The following CNNM3 variants were observed in gnomAD, a reference collection of about 807,000 sequenced individuals.
CNNM3 encodes cyclin and CBS domain divalent metal cation transport mediator 3, also known as metal transporter CNNM3.
CNNM3 carries 47 observed loss-of-function variants against 57.1 expected under a neutral mutation model. That is an observed-to-expected ratio of 0.82 (90% confidence interval 0.65 to 1.05). The LOEUF is 1.05. CNNM3 is among the 50% of genes least tolerant of loss of function. The pLI, the probability that CNNM3 is intolerant of heterozygous loss-of-function variation, is 0.00. For synonymous variants in CNNM3, 507 were observed against 478.2 expected (o/e 1.06, Z -0.79); for missense variants, 957 against 973.7 (o/e 0.98, Z 0.23).
chr2:96,824,287 T>C (rs1006523699), intron 1 of CNNM3, among the ~76,000 whole-genome samples: 13 of 152,236 alleles, frequency 8.5e-5, no homozygotes, highest in African/African-American at 2.9e-4. Flanking sequence ...GAAAGACATA[T>C]AGGGTAAGGT....
Position 96,816,756 on chromosome 2 carries a change from C to A in CNNM3, c.479C>A (p.Ala160Glu), listed in dbSNP as rs1355467485. The A allele has an allele frequency of 4.9e-6, 5 of 1,017,690 alleles. No individual in the cohort carries two copies. Among genetic ancestry groups the A allele is most frequent in the Non-Finnish European group, 4.7e-6 (4 of 853,538 alleles). The allele number at this position is 1,017,690 out of a possible 1,614,324, so 63.0% of individuals were successfully genotyped here. The change falls in exon 1 of 8, where the codon GCG becomes GAG. Residue 160 changes from alanine (A) to glutamate (E), a missense_variant. Ala to Glu is a moderately radical substitution (Grantham distance 107, BLOSUM62 -1). This residue lies in a region of CNNM3 where 466 missense variants were observed against 403.1 expected (regional missense o/e 1.16). Transcript: ENST00000305510. ...LARGLQLSAL[A>E]LAPAEVQVLR... ...CGAGGCCTGCAGCTGAGCGCGCTGG[C>A]GCTGGCGCCTGCCGAGGTGCAGGTG...
chr2:96,827,264 T>C (rs1484723788), intron 3 of CNNM3, among the ~76,000 whole-genome samples: 1 of 149,284 alleles, frequency 6.7e-6, no homozygotes, highest in Non-Finnish European at 1.5e-5. Flanking sequence ...CCTGCCCAGT[T>C]CTTTTTTTTT....
chr2:96,827,187 G>A (rs919323010), intron 3 of CNNM3, among the ~76,000 whole-genome samples: 8 of 152,140 alleles, frequency 5.3e-5, no homozygotes, highest in African/African-American at 1.9e-4. Context: ...GCAGGGCCAG[G>A]CCAGTGCCAC....
chr2:96,819,307 A>G (rs746222397), intron 1 of CNNM3, among the ~76,000 whole-genome samples: 75 of 152,228 alleles, frequency 4.9e-4, no homozygotes, highest in Non-Finnish European at 1.0e-3. Flanking sequence ...CCCTGGAATC[A>G]GCGGAGTAGG....
At position 96,825,124 on chromosome 2, in the gene CNNM3, T is replaced by C; in HGVS notation, c.1292T>C (p.Val431Ala). 1.9e-6 allele frequency: 3 copies of C among 1,613,966 alleles called. No homozygotes were observed. The highest frequency in any genetic ancestry group is 1.7e-5 in the Admixed American group (1 of 60,014). ...GGTGAAGGCGACCCCTTCTACGAGG[T>C]CCTGGGCCTGGTCACCCTGGAGGAC... ...NEGEGDPFYE[V>A]LGLVTLEDVI... Residue 431 changes from valine to alanine, a missense_variant, in exon 2 of 8, where the codon GTC becomes GCC. Transcript: ENST00000305510.
downstream of CNNM3, chr2:96,836,853 T>C (rs544321662): frequency 6.6e-6 from 1 of 152,374 alleles, no homozygotes; most frequent in Middle Eastern, 3.4e-3. Context: ...AGAAGTTTTA[T>C]AGTTTTAAAT....
Position 96,816,891 on chromosome 2 carries a change from C to T in CNNM3, c.614C>T (p.Ala205Val). 2.7e-6 allele frequency: 3 copies of T among 1,117,020 alleles called. No individual in the cohort carries two copies. Among genetic ancestry groups the T allele is most frequent in the Non-Finnish European group, 3.3e-6 (3 of 917,974 alleles). The allele number at this position is 1,117,020 out of a possible 1,614,324, so 69.2% of individuals were successfully genotyped here. A position where few individuals can be genotyped will look rare whatever the true frequency, so the allele number is the denominator to read the frequency against. The stretch of plus-strand genomic sequence containing the variant: ...GCGCTGCTGCTGCTGGCCAGCCTGG[C>T]GCAGGCGGCGCTGGCGGTGCTGCTG... ...LGALLLLASL[A>V]QAALAVLLYR... Residue 205 changes from alanine (A) to valine (V), a missense_variant, in exon 1 of 8, where the codon GCG (alanine) becomes GTG (valine). Ala to Val is a moderately conservative substitution (Grantham distance 64, BLOSUM62 0). This residue lies in a region of CNNM3 where 466 missense variants were observed against 403.1 expected (regional missense o/e 1.16). Coordinates refer to ENST00000305510, the MANE Select transcript of CNNM3 (RefSeq NM_017623.5).
At position 96,827,903 on chromosome 2, in the gene CNNM3, A is replaced by G. The variant is rs899348026; in HGVS notation, c.1689+3A>G. On this transcript the variant is annotated splice_donor_region_variant and intron_variant, in intron 4 of 7. Coordinates refer to ENST00000305510, the MANE Select transcript of CNNM3 (RefSeq NM_017623.5). ...ATTACTTCATTCTCATCCTGCAGGT[A>G]GCTGTGGGTCCCAGGCCTGGAGTCC... 4 of 1,609,948 alleles carry G rather than the reference A, an allele frequency of 2.5e-6. No individual in the cohort carries two copies. Among genetic ancestry groups the G allele is most frequent in the Non-Finnish European group, 3.4e-6 (4 of 1,176,978 alleles).
chr2:96,833,210 T>A lies in CNNM3; in HGVS notation c.*594T>A. On this transcript the variant is annotated 3_prime_UTR_variant, in exon 8 of 8. Coordinates refer to ENST00000305510, the MANE Select transcript of CNNM3 (RefSeq NM_017623.5). Reference sequence around the variant, plus strand: ...GCCAAACCAGAAGCTCCACTGCCCGTAGGCTGTCCCTGTAGCCCTGCTCCC... The same window carrying A: ...GCCAAACCAGAAGCTCCACTGCCCGAAGGCTGTCCCTGTAGCCCTGCTCCC... 2.7e-6 allele frequency: 1 copy of A among 376,706 alleles called. No individual in the cohort carries two copies. The highest frequency in any genetic ancestry group is 2.0e-5 in the South Asian group (1 of 49,700). The allele number at this position is 376,706 out of a possible 1,614,324, so 23.3% of individuals were successfully genotyped here.
At position 96,834,520 on chromosome 2, in the gene CNNM3, AT is replaced by A. The variant is rs999977463; in HGVS notation, c.*1913del. On this transcript the variant is annotated 3_prime_UTR_variant, in exon 8 of 8. Coordinates refer to ENST00000305510, the MANE Select transcript of CNNM3 (RefSeq NM_017623.5). The stretch of plus-strand genomic sequence containing the variant: ...CCACCACACCCAGCTAATACTTTTA[AT>A]TTTTTTTTGTAGAGATAGGGTCTCA... Among the ~76,000 whole-genome samples the A allele has an allele frequency of 6.7e-6, 1 of 149,502 alleles. No individual in the cohort carries two copies. Among genetic ancestry groups the A allele is most frequent in the Non-Finnish European group, 1.5e-5 (1 of 67,394 alleles).
chr2:96,836,594 G>A (rs2079693829), downstream of CNNM3: 1 of 152,056 alleles, frequency 6.6e-6, no homozygotes, highest in South Asian at 2.1e-4. Flanking sequence ...GCCCACACCT[G>A]GTCTCAAACT....
In CNNM3 at chr2:96,827,779, A is replaced by G; in HGVS notation, c.1568A>G (p.His523Arg). 1 of 1,614,156 alleles carries G rather than the reference A, an allele frequency of 6.2e-7. No individual in the cohort carries two copies. The change falls in exon 4 of 8, where the codon CAC becomes CGC. Residue 523 changes from histidine (H) to arginine (R), a missense_variant. Physicochemically the swap from His to Arg is conservative, Grantham distance 29 (BLOSUM62 0). Transcript: ENST00000305510. The stretch of plus-strand genomic sequence containing the variant: ...CGCATCTCTGAGAAGGTCCTGCTGC[A>G]CCTGTTGAAGCATCCCAGTGTCAAC... ...PLRISEKVLLHLLKHPSVNQE... is the reference protein window; with the variant it reads ...PLRISEKVLLRLLKHPSVNQE...
chr2:96,830,378 A>G (rs534928467), intron 7 of CNNM3, among the ~76,000 whole-genome samples: 1 of 152,170 alleles, frequency 6.6e-6, no homozygotes, highest in Non-Finnish European at 1.5e-5. Flanking sequence ...TGCCTGTTCT[A>G]CAGGGCAGGA....
In CNNM3 at chr2:96,833,036, C is replaced by T; in HGVS notation, c.*420C>T. 1 of 1,298,146 alleles carries T rather than the reference C, an allele frequency of 7.7e-7. No individual in the cohort carries two copies. Among genetic ancestry groups the T allele is most frequent in the Non-Finnish European group, 1.0e-6 (1 of 994,126 alleles). 80.4% of individuals were successfully genotyped at this position (1,298,146 alleles called of 1,614,324 possible). On this transcript the variant is annotated 3_prime_UTR_variant, in exon 8 of 8. Coordinates refer to ENST00000305510, the MANE Select transcript of CNNM3 (RefSeq NM_017623.5). ...CTCTATTTGTTTGCTTTTAATTTGC[C>T]AACCTATCGCTGCTGGCAGCACTTT...
chr2:96,819,022 G>A (rs1040935090), intron 1 of CNNM3, among the ~76,000 whole-genome samples: 2 of 152,244 alleles, frequency 1.3e-5, no homozygotes, highest in African/African-American at 4.8e-5. Context: ...GTGTAATCTC[G>A]TCCCTCATTC....
Position 96,817,286 on chromosome 2 carries a change from G to T in CNNM3, c.1009G>T (p.Val337Phe), listed in dbSNP as rs776886146. 2 of 1,613,278 alleles carry T rather than the reference G, an allele frequency of 1.2e-6. No homozygotes were observed. Among genetic ancestry groups the T allele is most frequent in the Non-Finnish European group, 8.5e-7 (1 of 1,180,026 alleles). Residue 337 changes from valine to phenylalanine, a missense_variant, in exon 1 of 8, where the codon GTC becomes TTC. Val to Phe is a conservative substitution (Grantham distance 50). Transcript: ENST00000305510. ...LDASTVLDFG[V>F]LASIMQSGHT... ...CGCCAGCACCGTGCTGGACTTCGGC[G>T]TCCTGGCCAGCATCATGCAGAGCGG...
chr2:96,829,529 G>A (rs1407247539), intron 7 of CNNM3, among the ~76,000 whole-genome samples: 5 of 151,426 alleles, frequency 3.3e-5, no homozygotes, highest in Non-Finnish European at 7.4e-5. Context: ...TTGAACTCCT[G>A]ACCTCAGATG....
At chr2:96,826,056 C>T (rs898440281) in intron 2 of CNNM3, among the ~76,000 whole-genome samples, 12 of 152,170 alleles carry the variant, frequency 7.9e-5, no homozygotes, top group African/African-American at 1.9e-4. Context: ...TTTAATCATG[C>T]GTCGATTTTC....
chr2:96,823,800 T>C (rs550962096), intron 1 of CNNM3, among the ~76,000 whole-genome samples: 1 of 152,260 alleles, frequency 6.6e-6, no homozygotes, highest in South Asian at 2.1e-4. Flanking sequence ...AGGGCCTGGT[T>C]GAATGAGTTG....
Sources: gnomAD v4.1 joint callset for allele counts (sites outside exome capture counted in the v4.1 genomes callset) on GRCh38, gnomAD v4.1.1 for gene constraint, gnomAD v4.1.1 regional missense constraint, MANE v1.5 for transcripts, NCBI Gene and HGNC (gene_info 2026-07-23, HGNC 2026-07-21) for gene names.